SOS1: variants seen among roughly 807,000 people sequenced by gnomAD.
SOS1 encodes the protein SOS Ras/Rac guanine nucleotide exchange factor 1, also known as son of sevenless homolog 1.
A neutral mutation model predicts 157.6 loss-of-function variants in SOS1; 25 were observed. That is an observed-to-expected ratio of 0.16 (90% confidence interval 0.12 to 0.22). The LOEUF (loss-of-function observed/expected upper bound fraction) is 0.22, where lower values mean the gene tolerates loss of function less well. Among genes scored for constraint, SOS1 ranks in the 10% least tolerant of loss-of-function variants. SOS1 has a pLI of 1.00. For synonymous variants in SOS1, 528 were observed against 534.0 expected, an observed-to-expected ratio of 0.99 and a Z score of 0.16; for missense variants, 1,237 against 1,599.1, an observed-to-expected ratio of 0.77 and a Z score of 3.86.
intron 1 of SOS1, among the ~76,000 whole-genome samples, chr2:39,115,902 G>A (rs1158504893): frequency 6.6e-6 from 1 of 151,966 alleles, no homozygotes; most frequent in Admixed American, 6.6e-5. Context: ...TATATTTATG[G>A]CTTTACTTAC....
intron 1 of SOS1, among the ~76,000 whole-genome samples, chr2:39,089,453 G>C (rs575875300): frequency 1.3e-5 from 2 of 149,154 alleles, no homozygotes; most frequent in African/African-American, 5.0e-5. Context: ...AATTGCTTGA[G>C]CCTGGGAGGT....
At chr2:39,114,711 C>T (rs903013281) in intron 1 of SOS1, among the ~76,000 whole-genome samples, 1 of 152,134 alleles carries the variant, frequency 6.6e-6, no homozygotes, top group South Asian at 2.1e-4. Flanking sequence ...ATTCTTGTGT[C>T]TCAGCCTCCC....
intron 1 of SOS1, among the ~76,000 whole-genome samples, chr2:39,119,168 A>G (rs940601042): frequency 6.6e-6 from 1 of 152,240 alleles, no homozygotes; most frequent in Admixed American, 6.5e-5. Context: ...TCTAAGGAGT[A>G]AAGTATGTAA....
intron 6 of SOS1, among the ~76,000 whole-genome samples, chr2:39,039,763 T>A (rs1304595213): frequency 1.3e-5 from 2 of 152,212 alleles, no homozygotes; most frequent in African/African-American, 4.8e-5. Flanking sequence ...ATAATCTATT[T>A]TGGAATATTT....
intron 20 of SOS1, among the ~76,000 whole-genome samples, chr2:38,994,417 T>C (rs1401465414): frequency 6.6e-6 from 1 of 152,144 alleles, no homozygotes; most frequent in East Asian, 1.9e-4. Flanking sequence ...AGCCATTATA[T>C]ACCATCAGGG....
intron 6 of SOS1, among the ~76,000 whole-genome samples, chr2:39,045,273 A>AGAGAGAGAGAGTGT (rs138343013): frequency 4.3e-4 from 47 of 108,090 alleles, no homozygotes; most frequent in African/African-American, 1.5e-3. Context: ...AGAGAGAGAG[A>AGAGAGAGAGAGTGT]GTGTGTGTGT....
chr2:38,994,935 G>C (rs1412094771), intron 20 of SOS1, among the ~76,000 whole-genome samples, 188 bp downstream of exon 20: 1 of 152,194 alleles, frequency 6.6e-6, no homozygotes, highest in African/African-American at 2.4e-5. Flanking sequence ...TGTTCCAGCA[G>C]ATTTTTTAGA....
intron 1 of SOS1, among the ~76,000 whole-genome samples, chr2:39,114,120 G>A (rs1373198550): frequency 6.6e-6 from 1 of 151,908 alleles, no homozygotes; most frequent in Non-Finnish European, 1.5e-5. Flanking sequence ...TTCTGAGACA[G>A]GGTTTTACCC....
At chr2:39,115,609 T>C (rs905997756) in intron 1 of SOS1, among the ~76,000 whole-genome samples, 1 of 151,958 alleles carries the variant, frequency 6.6e-6, no homozygotes, top group African/African-American at 2.4e-5. Context: ...GCTAATTTTT[T>C]AAGTTTTTTG....
At chr2:39,039,820 C>G (rs1301383257) in intron 6 of SOS1, among the ~76,000 whole-genome samples, 5 of 152,102 alleles carry the variant, frequency 3.3e-5, no homozygotes, top group Non-Finnish European at 7.4e-5. Context: ...TATTACCTCC[C>G]AATCCCCTAA....
In SOS1 at chr2:39,034,726, A is replaced by G. The variant is rs143782445; in HGVS notation, c.1074+486T>C. The G allele has an allele frequency of 1.6e-3, 715 of 451,748 alleles. 6 individuals are homozygous for G. The highest frequency in any genetic ancestry group is 0.013 in the African/African-American group (654 of 50,044). 28.0% of individuals were successfully genotyped at this position (451,748 alleles called of 1,614,324 possible). On this transcript the variant is annotated intron_variant, in intron 8 of 22. Transcript: ENST00000402219. ...TTCTAAAGTAATGATAAACAGTTTA[A>G]TACAGATAGTTGCAAACTTGAGCTA...
At chr2:39,028,379 T>C (rs906558217) in intron 8 of SOS1, among the ~76,000 whole-genome samples, 1 of 152,166 alleles carries the variant, frequency 6.6e-6, no homozygotes, top group African/African-American at 2.4e-5. Context: ...CTCAAGAGTG[T>C]TTGATACATA....
chr2:38,996,890 T>C lies in SOS1; in HGVS notation c.3081+32A>G, dbSNP rs6723430. On this transcript the variant is annotated intron_variant, in intron 19 of 22. Transcript: ENST00000402219. ...AACTATATAACACATATGGTAGTAA[T>C]GACATCACCAGACAAATATACAAAT... is the stretch of plus-strand genomic sequence containing the variant. The C allele has an allele frequency of 5.5e-3, 5,770 of 1,046,610 alleles. 231 individuals are homozygous for C. In the African/African-American group the frequency reaches 0.077, roughly 14 times the overall value. The allele number at this position is 1,046,610 out of a possible 1,614,324, so 64.8% of individuals were successfully genotyped here.
intron 10 of SOS1, 21 bp downstream of exon 10, chr2:39,022,549 A>C: frequency 1.3e-6 from 2 of 1,594,676 alleles, no homozygotes; most frequent in South Asian, 1.1e-5. Context: ...CAAAAGTGAC[A>C]GGCAACTGCA....
At chr2:39,048,216 T>C (rs1670863658) in intron 6 of SOS1, among the ~76,000 whole-genome samples, 1 of 152,198 alleles carries the variant, frequency 6.6e-6, no homozygotes, top group South Asian at 2.1e-4. Flanking sequence ...TCTACAAACT[T>C]GATTATTTTA....
At chr2:39,041,328 T>A (rs992366312) in intron 6 of SOS1, among the ~76,000 whole-genome samples, 1 of 152,256 alleles carries the variant, frequency 6.6e-6, no homozygotes, top group Admixed American at 6.5e-5. Context: ...CATTTTTTAA[T>A]GTACCATGTT....
At position 39,086,906 on chromosome 2, in the gene SOS1, C is replaced by T. The variant is rs981431980; in HGVS notation, c.88-19153G>A. On this transcript the variant is annotated intron_variant, in intron 1 of 22. Coordinates refer to ENST00000402219, the MANE Select transcript of SOS1 (RefSeq NM_005633.4). Reference sequence around the variant, plus strand: ...TGGCTCACTGCAACCTCTGCCTCCCCGGTTTAAGCAATTCTCCTGCCTCAG... The same window carrying T: ...TGGCTCACTGCAACCTCTGCCTCCCTGGTTTAAGCAATTCTCCTGCCTCAG... Among the ~76,000 whole-genome samples, 13 of 152,136 alleles carry T rather than the reference C, an allele frequency of 8.5e-5. No individual in the cohort carries two copies. In the East Asian group the frequency reaches 1.4e-3, roughly 16 times the overall value.
chr2:39,108,017 G>C (rs955391999), intron 1 of SOS1, among the ~76,000 whole-genome samples: 2 of 152,066 alleles, frequency 1.3e-5, no homozygotes, highest in African/African-American at 4.8e-5. Context: ...CTAGAATACT[G>C]ATGGTGCCTT....
intron 1 of SOS1, among the ~76,000 whole-genome samples, chr2:39,070,765 A>C (rs1031696211): frequency 6.6e-5 from 10 of 152,228 alleles, no homozygotes; most frequent in African/African-American, 1.9e-4. Flanking sequence ...TTCCAGTTCA[A>C]AGCCCCAGCA....
Sources: allele counts gnomAD v4.1 joint callset (sites outside exome capture counted in the v4.1 genomes callset), GRCh38; gene constraint gnomAD v4.1.1; transcripts MANE v1.5; gene names NCBI Gene and HGNC (gene_info 2026-07-23, HGNC 2026-07-21).